TMEM67: variants seen among roughly 807,000 people sequenced by gnomAD.
TMEM67 encodes the protein transmembrane protein 67, also known as meckelin.
In TMEM67, 124 loss-of-function variants were observed where a neutral mutation model predicts 136.6. The ratio of observed to expected loss-of-function variants is 0.91; its 90% CI spans 0.78 to 1.05. The LOEUF is 1.05. Among genes scored for constraint, TMEM67 ranks in the 50% least tolerant of loss-of-function variants. The pLI, the probability that TMEM67 is intolerant of heterozygous loss-of-function variation, is 0.00. For missense variants in TMEM67, 1,107 were observed against 1,178.4 expected, an observed-to-expected ratio of 0.94 and a Z score of 0.89; for synonymous variants, 364 against 390.5, an observed-to-expected ratio of 0.93 and a Z score of 0.80.
rs2130757733 is a variant in TMEM67 at position 93,803,665 on chromosome 8, AT to A, written c.2306del (p.Leu769TyrfsTer4). On this transcript the variant is annotated frameshift_variant, in exon 22 of 28. Transcript: ENST00000453321. LOFTEE classifies it high-confidence loss of function. ...FIEDKIRQFV[D>X]LCSMSNISVF... ...GAAGATAAAATTCGACAGTTCGTTG[AT>A]TTATGCTCTATGAGTAATGTAAGTA... 1 of 1,589,392 alleles carries A rather than the reference AT, an allele frequency of 6.3e-7. No individual in the cohort carries two copies. The highest frequency in any genetic ancestry group is 8.6e-7 in the Non-Finnish European group (1 of 1,157,998).
rs747187104 is a variant in TMEM67, at chr8:93,809,067, C to G, written c.2567C>G (p.Pro856Arg). 2 of 1,604,804 alleles carry G rather than the reference C, an allele frequency of 1.2e-6. No homozygotes were observed. The highest frequency in any genetic ancestry group is 1.7e-6 in the Non-Finnish European group (2 of 1,172,108). ...TCTTTTTTACATTAGAAAAATGGTC[C>G]TGCTAGACTACTGAGTTCATCAGCA... is the stretch of plus-strand genomic sequence containing the variant. ...IHETLIRKNG[P>R]ARLLSSSAST... The change falls in exon 25 of 28, where the codon CCT (proline) becomes CGT (arginine). Residue 856 changes from proline (P) to arginine (R), a missense_variant. This residue lies in a region of TMEM67 where 925 missense variants were observed against 1,002.4 expected (regional missense o/e 0.92). Transcript: ENST00000453321.
In TMEM67 at chr8:93,806,830, T is replaced by C. The variant is rs185683602; in HGVS notation, c.2439+1952T>C. On this transcript the variant is annotated intron_variant, in intron 23 of 27. Coordinates refer to ENST00000453321, the MANE Select transcript of TMEM67 (RefSeq NM_153704.6). ...GAGATGATATTCTAAGGATAAAGAATAGAAATCATCAAAAAGGGAATATTA... is the reference window on the plus strand; with the variant it reads ...GAGATGATATTCTAAGGATAAAGAACAGAAATCATCAAAAAGGGAATATTA... Among the ~76,000 whole-genome samples the C allele has an allele frequency of 4.3e-4, 65 of 152,228 alleles. 2 individuals carry two copies. In the East Asian group the frequency reaches 0.012, roughly 29 times the overall value.
chr8:93,824,614 TTGAATTC>T, the TMEM67 span, among the ~76,000 whole-genome samples: 69 of 152,348 alleles, frequency 4.5e-4, no homozygotes, highest in Middle Eastern at 3.4e-3. Context: ...AGCAAAGACT[TTGAATTC>T]TGACAGGGCT....
At chr8:93,820,076 G>A (rs936139302), downstream of TMEM67, among the ~76,000 whole-genome samples, 2 of 152,066 alleles carry the variant, frequency 1.3e-5, no homozygotes, top group African/African-American at 4.8e-5. Flanking sequence ...CCAACGAGCC[G>A]ATCCCAAACT....
intron 11 of TMEM67, among the ~76,000 whole-genome samples, chr8:93,782,784 A>G (rs1813906417): frequency 6.6e-6 from 1 of 151,952 alleles, no homozygotes; most frequent in Admixed American, 6.6e-5. Flanking sequence ...CATGTTGATC[A>G]GGCTGATCTT....
chr8:93,815,610 C>A (rs1586102066), intron 27 of TMEM67, among the ~76,000 whole-genome samples, 163 bp downstream of exon 27: 5 of 152,262 alleles, frequency 3.3e-5, no homozygotes, highest in Admixed American at 1.3e-4. Context: ...AACATTTCAA[C>A]CAACTGTACT....
intron 21 of TMEM67, among the ~76,000 whole-genome samples, chr8:93,801,144 G>C (rs1814852426): frequency 6.6e-6 from 1 of 152,078 alleles, no homozygotes; most frequent in Non-Finnish European, 1.5e-5. Flanking sequence ...ATGAAGATAG[G>C]ACCTCTAGAG....
chr8:93,796,015 T>A, intron 18 of TMEM67, 28 bp downstream of exon 18: 1 of 1,430,688 alleles, frequency 7.0e-7, no homozygotes, highest in Non-Finnish European at 9.9e-7. Flanking sequence ...GGTTACCAAA[T>A]TTAAAAGGCC....
At chr8:93,810,621 A>G (rs1317947474) in intron 26 of TMEM67, among the ~76,000 whole-genome samples, 1 of 152,146 alleles carries the variant, frequency 6.6e-6, no homozygotes, top group Non-Finnish European at 1.5e-5. Context: ...AAGGAAACAT[A>G]ATGAACTCAG....
chr8:93,808,297 ATATT>A (rs1472231756), intron 23 of TMEM67, among the ~76,000 whole-genome samples: 2 of 142,946 alleles, frequency 1.4e-5, no homozygotes, highest in East Asian at 4.0e-4. Context: ...TGGATTATAT[ATATT>A]ATCATATATA....
intron 22 of TMEM67, among the ~76,000 whole-genome samples, chr8:93,804,486 T>A (rs2130762077): frequency 6.8e-6 from 1 of 146,640 alleles, no homozygotes; most frequent in African/African-American, 2.5e-5. Context: ...CAGCTATTTT[T>A]TTTTTTTTTT....
chr8:93,814,135 C>CTTTT (rs55774610), intron 26 of TMEM67, among the ~76,000 whole-genome samples: 28 of 60,794 alleles, frequency 4.6e-4, no homozygotes, highest in African/African-American at 1.6e-3. Context: ...TATATGTATA[C>CTTTT]TTTTTTTTTT....
In TMEM67 at chr8:93,797,527, C is replaced by G. The variant is rs1338902385; in HGVS notation, c.2100+57C>G. The G allele has an allele frequency of 4.0e-6, 6 of 1,510,110 alleles. No homozygotes were observed. The East Asian group carries it at 1.4e-4, about 34-fold the overall frequency. 93.5% of individuals were successfully genotyped at this position (1,510,110 alleles called of 1,614,324 possible). A position where few individuals can be genotyped will look rare whatever the true frequency, so the allele number is the denominator to read the frequency against. ...TTACATGTACCTTATAAATATTAAA[C>G]TAATATAATTCCAACTAAGTTTTCA... On this transcript the variant is annotated intron_variant, in intron 20 of 27. Coordinates refer to ENST00000453321, the MANE Select transcript of TMEM67 (RefSeq NM_153704.6).
At chr8:93,764,620 G>A (rs1157699617) in intron 4 of TMEM67, among the ~76,000 whole-genome samples, 5 of 151,922 alleles carry the variant, frequency 3.3e-5, no homozygotes, top group East Asian at 1.9e-4. Context: ...ACTTCCCTCC[G>A]GGCACAGTTT....
Position 93,797,244 on chromosome 8 carries a change from TA to T in TMEM67, c.1960+17del. ...TTAAAGCTGTTGAAGGTAACTGAAA[TA>T]AAAAATATTTGTACCAAAATTCTTT... On this transcript the variant is annotated intron_variant, in intron 19 of 27. Coordinates refer to ENST00000453321, the MANE Select transcript of TMEM67 (RefSeq NM_153704.6). 1 of 1,611,534 alleles carries T rather than the reference TA, an allele frequency of 6.2e-7. No homozygotes were observed. The highest frequency in any genetic ancestry group is 8.5e-7 in the Non-Finnish European group (1 of 1,177,646).
rs73326933 is a variant in TMEM67, at chr8:93,799,425, A to C, written c.2101-193A>C. On this transcript the variant is annotated intron_variant, in intron 20 of 27. Coordinates refer to ENST00000453321, the MANE Select transcript of TMEM67 (RefSeq NM_153704.6). ...GAGAAGAATGCCAAATGAGCTAACT[A>C]AATATTGTGTAATAAATACTTTGTA... Among the ~76,000 whole-genome samples the C allele has an allele frequency of 0.033, 5,004 of 152,288 alleles. 206 individuals carry two copies. The highest frequency in any genetic ancestry group is 0.098 in the African/African-American group (4,073 of 41,546).
intron 14 of TMEM67, among the ~76,000 whole-genome samples, chr8:93,790,946 C>T (rs1814348189): frequency 6.6e-6 from 1 of 152,150 alleles, no homozygotes; most frequent in South Asian, 2.1e-4. Context: ...TGCTAAATTC[C>T]TGATGCACAA....
chr8:93,789,652 AT>A (rs1475000258), intron 14 of TMEM67, among the ~76,000 whole-genome samples: 4,899 of 109,412 alleles, frequency 0.045, 184 homozygotes, highest in African/African-American at 0.097. Flanking sequence ...TCTCAAAAAA[AT>A]ATATATATAT....
intron 15 of TMEM67, among the ~76,000 whole-genome samples, chr8:93,792,491 A>C (rs1814425278): frequency 6.6e-6 from 1 of 152,102 alleles, no homozygotes; most frequent in Non-Finnish European, 1.5e-5. Context: ...TTTATTAAAT[A>C]GCATCCATTG....
Sources: gnomAD v4.1 joint callset for allele counts (sites outside exome capture counted in the v4.1 genomes callset) on GRCh38, gnomAD v4.1.1 for gene constraint, gnomAD v4.1.1 regional missense constraint, MANE v1.5 for transcripts, NCBI Gene and HGNC (gene_info 2026-07-23, HGNC 2026-07-21) for gene names.